TTC17: variants seen among roughly 807,000 people sequenced by gnomAD.
TTC17 encodes tetratricopeptide repeat domain 17.
TTC17 carries 58 observed loss-of-function variants against 143.8 expected under a neutral mutation model. The observed-to-expected ratio is 0.40, with a 90% CI of 0.33 to 0.50. The LOEUF (loss-of-function observed/expected upper bound fraction) is 0.50. TTC17 is among the 20% of genes least tolerant of loss of function. The pLI is 0.49. For synonymous variants in TTC17, 501 were observed against 497.8 expected, an observed-to-expected ratio of 1.01 and a Z score of -0.09; for missense variants, 1,273 against 1,392.5, an observed-to-expected ratio of 0.91 and a Z score of 1.37.
chr11:43,384,617 C>T (rs1452084864), intron 2 of TTC17, among the ~76,000 whole-genome samples: 1 of 152,160 alleles, frequency 6.6e-6, no homozygotes, highest in Non-Finnish European at 1.5e-5. Context: ...TTGCACCACA[C>T]CACTGCACTC....
chr11:43,438,698 T>G (rs558106041), intron 16 of TTC17, among the ~76,000 whole-genome samples: 1 of 152,264 alleles, frequency 6.6e-6, no homozygotes, highest in South Asian at 2.1e-4. Context: ...CTTTACCTCT[T>G]TCTATGGCTG....
intron 1 of TTC17, among the ~76,000 whole-genome samples, chr11:43,375,055 C>T (rs1037253996): frequency 3.3e-5 from 5 of 152,188 alleles, no homozygotes; most frequent in African/African-American, 1.2e-4. Flanking sequence ...ATTGTAAGGG[C>T]TGCAGATACA....
At chr11:43,377,302 AT>A in intron 1 of TTC17, among the ~76,000 whole-genome samples, 1 of 152,154 alleles carries the variant, frequency 6.6e-6, no homozygotes, top group Non-Finnish European at 1.5e-5. Flanking sequence ...AAAAAAAAAA[AT>A]ATAGTATTAT....
At chr11:43,447,136 TATC>T (rs1380904554) in intron 18 of TTC17, among the ~76,000 whole-genome samples, 1 of 152,032 alleles carries the variant, frequency 6.6e-6, no homozygotes, top group African/African-American at 2.4e-5. Context: ...AGAAAGCTAG[TATC>T]ATGCCACGGC....
chr11:43,391,647 A>G, intron 4 of TTC17, 71 bp downstream of exon 4: 1 of 1,267,144 alleles, frequency 7.9e-7, no homozygotes, highest in Non-Finnish European at 1.1e-6. Context: ...CTCACTTATA[A>G]AGACCATTTC....
intron 2 of TTC17, among the ~76,000 whole-genome samples, chr11:43,380,620 T>C (rs1431235095): frequency 2.6e-5 from 4 of 152,220 alleles, no homozygotes; most frequent in African/African-American, 9.6e-5. Flanking sequence ...GTCCCGAATT[T>C]CATTTACATA....
intron 16 of TTC17, among the ~76,000 whole-genome samples, chr11:43,438,097 C>G (rs1324859444): frequency 6.6e-6 from 1 of 152,244 alleles, no homozygotes; most frequent in African/African-American, 2.4e-5. Context: ...AATCTGACTT[C>G]AAATCAGATC....
chr11:43,359,287 C>G (rs1855994670), intron 1 of TTC17, 174 bp downstream of exon 1: 1 of 754,274 alleles, frequency 1.3e-6, no homozygotes, highest in Non-Finnish European at 2.0e-6. Context: ...ACTTCCCGCT[C>G]CCCACTTGTC....
At chr11:43,437,150 A>G (rs983789913) in intron 16 of TTC17, among the ~76,000 whole-genome samples, 3 of 151,908 alleles carry the variant, frequency 2.0e-5, no homozygotes, top group Admixed American at 2.0e-4. Flanking sequence ...TGCCATAGGC[A>G]CTTAAATGTA....
chr11:43,493,327 C>A (rs1219463136), intron 23 of TTC17, among the ~76,000 whole-genome samples: 1 of 152,148 alleles, frequency 6.6e-6, no homozygotes, highest in East Asian at 1.9e-4. Flanking sequence ...GTCTTTCCAG[C>A]TACATTAGAA....
chr11:43,394,828 C>A (rs1303539365), intron 5 of TTC17, among the ~76,000 whole-genome samples: 1 of 151,842 alleles, frequency 6.6e-6, no homozygotes, highest in African/African-American at 2.4e-5. Flanking sequence ...CTGGGTGCCT[C>A]CCACATGTAG....
At chr11:43,368,457 C>G (rs1473992726) in intron 1 of TTC17, among the ~76,000 whole-genome samples, 1 of 152,136 alleles carries the variant, frequency 6.6e-6, no homozygotes, top group Non-Finnish European at 1.5e-5. Context: ...TTGGTATCTT[C>G]TTGACTCTTT....
intron 19 of TTC17, chr11:43,449,155 T>C (rs1341668618): frequency 2.0e-5 from 3 of 152,260 alleles, no homozygotes; most frequent in Non-Finnish European, 4.4e-5. Context: ...ATTCTTCAAA[T>C]ATAAGTCAAA....
intron 16 of TTC17, among the ~76,000 whole-genome samples, chr11:43,439,615 CCCA>C (rs1382679266): frequency 1.3e-5 from 2 of 151,798 alleles, no homozygotes; most frequent in African/African-American, 4.8e-5. Context: ...ACTATAGGTG[CCCA>C]CCACCACCCC....
chr11:43,365,497 G>C (rs1029230808), intron 1 of TTC17, among the ~76,000 whole-genome samples: 14 of 151,804 alleles, frequency 9.2e-5, no homozygotes, highest in African/African-American at 2.9e-4. Flanking sequence ...TTGATCTCCT[G>C]AGCTGAAGCA....
intron 11 of TTC17, among the ~76,000 whole-genome samples, chr11:43,405,219 C>T (rs1399710797): frequency 6.6e-6 from 1 of 150,558 alleles, no homozygotes; most frequent in Non-Finnish European, 1.5e-5. Context: ...TCATATGTAA[C>T]GTAAGAGCCT....
chr11:43,479,672 AG>A (rs1213173233), intron 21 of TTC17, among the ~76,000 whole-genome samples: 1 of 152,364 alleles, frequency 6.6e-6, no homozygotes, highest in East Asian at 1.9e-4. Flanking sequence ...AAATAACACT[AG>A]GTATTTCAGA....
In TTC17 at chr11:43,359,034, C is replaced by G; in HGVS notation, c.80C>G (p.Ala27Gly). ...SGPGWLLSLS[A>G]LLSVAARGAF... ...CCAGGCTGGCTCCTCAGCCTTTCCG[C>G]CTTGCTGAGTGTGGCGGCACGAGGG... Residue 27 changes from alanine (A) to glycine (G), a missense_variant, in exon 1 of 24, where the codon GCC becomes GGC. Transcript: ENST00000039989. 6.3e-7 allele frequency: 1 copy of G among 1,591,856 alleles called. No individual in the cohort carries two copies. The highest frequency in any genetic ancestry group is 8.5e-7 in the Non-Finnish European group (1 of 1,170,478).
chr11:43,412,670 C>G (rs1231221532), intron 15 of TTC17, among the ~76,000 whole-genome samples: 3 of 152,024 alleles, frequency 2.0e-5, no homozygotes, highest in Non-Finnish European at 4.4e-5. Context: ...CTCATTGGAG[C>G]ATTTTGGATT....
Sources: allele counts gnomAD v4.1 joint callset (sites outside exome capture counted in the v4.1 genomes callset), GRCh38; gene constraint gnomAD v4.1.1; transcripts MANE v1.5; gene names NCBI Gene and HGNC (gene_info 2026-07-23, HGNC 2026-07-21).